The following ACAA2 variants were observed in gnomAD, a reference collection of about 807,000 sequenced individuals.
ACAA2 encodes acetyl-CoA acyltransferase 2, also known as 3-ketoacyl-CoA thiolase, mitochondrial.
ACAA2 carries 35 observed loss-of-function variants against 44.8 expected under a neutral mutation model. The ratio of observed to expected loss-of-function variants is 0.78; its 90% CI spans 0.60 to 1.04. ACAA2 has a LOEUF of 1.04. ACAA2 is among the 50% of genes least tolerant of loss of function. ACAA2 has a pLI of 0.00. For synonymous variants in ACAA2, 142 were observed against 166.5 expected (o/e 0.85, Z 1.13); for missense variants, 468 against 482.6 (o/e 0.97, Z 0.28).
chr18:49,801,785 CATAT>C (rs55864039), intron 2 of ACAA2, among the ~76,000 whole-genome samples: 1,994 of 112,138 alleles, frequency 0.018, 69 homozygotes, highest in South Asian at 0.16. Context: ...AGAAACTGAT[CATAT>C]ATATATATAT....
At position 49,792,332 on chromosome 18, in the gene ACAA2, A is replaced by G. The variant is rs368383594; in HGVS notation, c.578-5T>C. 196 of 1,609,126 alleles carry G rather than the reference A, an allele frequency of 1.2e-4. No individual in the cohort carries two copies. In the African/African-American group the frequency reaches 2.4e-3, roughly 20 times the overall value. On this transcript the variant is annotated splice_region_variant and splice_polypyrimidine_tract_variant and intron_variant, in intron 5 of 9. Transcript: ENST00000285093. The stretch of plus-strand genomic sequence containing the variant: ...TAAAGTAGCCAGCATCATTAGCTGA[A>G]AAATAGTAGAGAGACTATCATAAGA...
chr18:49,792,900 G>A (rs994400722), intron 5 of ACAA2, among the ~76,000 whole-genome samples: 17 of 151,856 alleles, frequency 1.1e-4, no homozygotes, highest in Admixed American at 7.9e-4. Context: ...GAGGATTTAC[G>A]ATACTGTCAT....
chr18:49,784,368 T>G (rs888574648), intron 9 of ACAA2, among the ~76,000 whole-genome samples: 1 of 152,178 alleles, frequency 6.6e-6, no homozygotes, highest in East Asian at 1.9e-4. Context: ...CATGGCACCT[T>G]AGAAGAAATG....
chr18:49,787,839 G>A (rs2023351823), intron 7 of ACAA2, among the ~76,000 whole-genome samples: 1 of 152,166 alleles, frequency 6.6e-6, no homozygotes, highest in Admixed American at 6.5e-5. Flanking sequence ...GAGCAAGGCA[G>A]ACTGAGTGCT....
intron 1 of ACAA2, among the ~76,000 whole-genome samples, chr18:49,810,388 C>T (rs1195600890): frequency 6.6e-6 from 1 of 152,138 alleles, no homozygotes; most frequent in Non-Finnish European, 1.5e-5. Context: ...TTCTCAGAAA[C>T]AATAGAGCCT....
chr18:49,802,988 G>T, intron 1 of ACAA2, 135 bp from the exon 2 acceptor site: 1 of 1,007,352 alleles, frequency 9.9e-7, no homozygotes, highest in Non-Finnish European at 1.6e-6. Context: ...ATAATACCTA[G>T]AACAAGTCAT....
At chr18:49,807,510 G>A (rs772982082) in intron 1 of ACAA2, among the ~76,000 whole-genome samples, 27 of 152,192 alleles carry the variant, frequency 1.8e-4, no homozygotes, top group Non-Finnish European at 3.8e-4. Context: ...ATCCATGAAG[G>A]GAAAACTTAG....
intron 7 of ACAA2, among the ~76,000 whole-genome samples, chr18:49,787,607 T>G (rs540221285): frequency 2.8e-4 from 42 of 152,018 alleles, no homozygotes; most frequent in Admixed American, 3.9e-4. Flanking sequence ...GGAGGATCAC[T>G]TTAGCCTCCT....
chr18:49,784,060 C>G, intron 9 of ACAA2, 129 bp from the exon 10 acceptor site: 1 of 747,524 alleles, frequency 1.3e-6, no homozygotes, highest in Non-Finnish European at 2.3e-6. Flanking sequence ...CCCCAGTCCT[C>G]AATTTTGGTA....
intron 1 of ACAA2, among the ~76,000 whole-genome samples, chr18:49,807,876 A>G (rs2023626254): frequency 6.6e-6 from 1 of 152,114 alleles, no homozygotes; most frequent in African/African-American, 2.4e-5. Context: ...TGCTGTTAAG[A>G]GAATGAAAAG....
chr18:49,811,256 G>A (rs912668083), intron 1 of ACAA2: 2 of 152,084 alleles, frequency 1.3e-5, no homozygotes, highest in Admixed American at 1.3e-4. Context: ...AAAGAAACAG[G>A]AGCACTACCT....
At chr18:49,809,695 G>T (rs1339552417) in intron 1 of ACAA2, among the ~76,000 whole-genome samples, 18 of 152,218 alleles carry the variant, frequency 1.2e-4, no homozygotes, top group Admixed American at 1.2e-3. Flanking sequence ...ACAGTAAAAA[G>T]ATCAGTGCTT....
rs644986 is a variant in ACAA2, at chr18:49,789,185, G to T, written c.884-1824C>A. Among the ~76,000 whole-genome samples, 27 of 151,474 alleles carry T rather than the reference G, an allele frequency of 1.8e-4. No individual in the cohort carries two copies. In the South Asian group the frequency reaches 2.7e-3, roughly 15 times the overall value. ...TTCTTTTCAAGTCATGGCTTTCCCC[G>T]TTTTTTTTTGGTCTGCAGCTATTCT... On this transcript the variant is annotated intron_variant, in intron 7 of 9. Transcript: ENST00000285093.
At chr18:49,801,117 A>G (rs1274206671) in intron 2 of ACAA2, among the ~76,000 whole-genome samples, 1 of 152,218 alleles carries the variant, frequency 6.6e-6, no homozygotes, top group Admixed American at 6.5e-5. Context: ...ATTCCAAGTG[A>G]TATTTAATAA....
chr18:49,792,491 C>T (rs972689541), intron 5 of ACAA2, among the ~76,000 whole-genome samples, 164 bp from the exon 6 acceptor site: 25 of 152,324 alleles, frequency 1.6e-4, no homozygotes, highest in African/African-American at 5.8e-4. Flanking sequence ...GTCGCCTGGG[C>T]TGGAGTGCAA....
chr18:49,787,585 G>A (rs1343044091), intron 7 of ACAA2, among the ~76,000 whole-genome samples: 1 of 151,980 alleles, frequency 6.6e-6, no homozygotes, highest in African/African-American at 2.4e-5. Context: ...AGTACTTTGG[G>A]AGGCTGAAGT....
chr18:49,802,096 C>T (rs1481675195), intron 2 of ACAA2, among the ~76,000 whole-genome samples: 1 of 152,014 alleles, frequency 6.6e-6, no homozygotes, highest in Non-Finnish European at 1.5e-5. Flanking sequence ...ACTAAGGTGG[C>T]ATATAGAGAA....
At chr18:49,803,043 A>G (rs2023573192) in intron 1 of ACAA2, 190 bp from the exon 2 acceptor site, 1 of 683,274 alleles carries the variant, frequency 1.5e-6, no homozygotes, top group East Asian at 2.8e-5. Context: ...TGACAGTTTG[A>G]TCTTTACCTA....
intron 5 of ACAA2, 99 bp from the exon 6 acceptor site, chr18:49,792,426 C>T (rs981167122): frequency 1.4e-5 from 15 of 1,092,894 alleles, no homozygotes; most frequent in African/African-American, 1.1e-4. Context: ...ACCTTTTCCT[C>T]ACAGTCTACT....
Sources: allele counts gnomAD v4.1 joint callset (sites outside exome capture counted in the v4.1 genomes callset), GRCh38; gene constraint gnomAD v4.1.1; transcripts MANE v1.5; gene names NCBI Gene and HGNC (gene_info 2026-07-23, HGNC 2026-07-21).